COA7: variants seen among roughly 807,000 people sequenced by gnomAD.
The protein encoded by COA7 is Sel1 repeat containing 1.
In COA7, 12 loss-of-function variants were observed where a neutral mutation model predicts 21.0. The ratio of observed to expected loss-of-function variants is 0.57; its 90% CI spans 0.37 to 0.92. COA7 has a LOEUF of 0.92. Ranked by LOEUF, COA7 falls within the 40% of genes least tolerant of loss-of-function variation. The pLI is 0.01. For missense variants in COA7, 240 were observed against 286.1 expected, an observed-to-expected ratio of 0.84 and a Z score of 1.16; for synonymous variants, 95 against 107.4, an observed-to-expected ratio of 0.88 and a Z score of 0.72.
chr1:52,690,437 A>G (rs1323876887), intron 2 of COA7, among the ~76,000 whole-genome samples: 1 of 151,728 alleles, frequency 6.6e-6, no homozygotes, highest in Non-Finnish European at 1.5e-5. Flanking sequence ...ACTAGATAGA[A>G]GTGTTTGGAA....
chr1:52,694,055 TA>T (rs796462750), intron 1 of COA7, among the ~76,000 whole-genome samples: 13 of 152,226 alleles, frequency 8.5e-5, no homozygotes, highest in African/African-American at 3.1e-4. Context: ...AAGTGGGAGC[TA>T]AATACTGTGT....
chr1:52,690,182 C>T (rs1323381310), intron 2 of COA7, among the ~76,000 whole-genome samples: 1 of 151,912 alleles, frequency 6.6e-6, no homozygotes, highest in Non-Finnish European at 1.5e-5. Flanking sequence ...TGGGAAATCA[C>T]TAACAAATAA....
At chr1:52,696,767 G>A (rs2149906242) in intron 1 of COA7, among the ~76,000 whole-genome samples, 1 of 149,780 alleles carries the variant, frequency 6.7e-6, no homozygotes. Context: ...CTCCCAAAGA[G>A]CTAGGATTAC....
chr1:52,692,274 T>G (rs1159111332), intron 2 of COA7, among the ~76,000 whole-genome samples: 1 of 152,208 alleles, frequency 6.6e-6, no homozygotes, highest in African/African-American at 2.4e-5. Context: ...ATAACTATTT[T>G]GTTATTTAGC....
intron 2 of COA7, among the ~76,000 whole-genome samples, chr1:52,689,459 G>T (rs1013591199): frequency 6.6e-6 from 1 of 151,506 alleles, no homozygotes; most frequent in Non-Finnish European, 1.5e-5. Flanking sequence ...TGGCCTATGA[G>T]ATTTTTTTTG....
At position 52,687,068 on chromosome 1, in the gene COA7, C is replaced by G. The variant is rs930222365; in HGVS notation, c.*652G>C. 6.6e-6 allele frequency: 1 copy of G among 152,448 alleles called. No homozygotes were observed. Among genetic ancestry groups the G allele is most frequent in the East Asian group, 1.9e-4 (1 of 5,194 alleles). 9.4% of individuals were successfully genotyped at this position (152,448 alleles called of 1,614,324 possible). A position where few individuals can be genotyped will look rare whatever the true frequency, so the allele number is the denominator to read the frequency against. On this transcript the variant is annotated 3_prime_UTR_variant, in exon 3 of 3. Transcript: ENST00000371538. ...CTGATGTTTCATCTTCTTCAGCAAC[C>G]CTGAAGCATAACAGCCTTTAAGCTG...
intron 2 of COA7, among the ~76,000 whole-genome samples, chr1:52,689,160 ATT>A (rs1195625684): frequency 1.4e-5 from 2 of 145,662 alleles, no homozygotes; most frequent in Non-Finnish European, 1.5e-5. Flanking sequence ...TATTATTATT[ATT>A]TTTTTTTTTT....
Position 52,687,641 on chromosome 1 carries a change from T to C in COA7, c.*79A>G, listed in dbSNP as rs1571716428. Reference sequence around the variant, plus strand: ...TTTTTTTGCTCCAGCAGGTTGACCTTCAAGGGCTGCATCAGTCTTCAGAAA... The same window carrying C: ...TTTTTTTGCTCCAGCAGGTTGACCTCCAAGGGCTGCATCAGTCTTCAGAAA... On this transcript the variant is annotated 3_prime_UTR_variant, in exon 3 of 3. Coordinates refer to ENST00000371538, the MANE Select transcript of COA7 (RefSeq NM_023077.3). The C allele has an allele frequency of 6.9e-7, 1 of 1,441,984 alleles. No individual in the cohort carries two copies. The highest frequency in any genetic ancestry group is 2.3e-5 in the East Asian group (1 of 43,622). The allele number at this position is 1,441,984 out of a possible 1,614,324, so 89.3% of individuals were successfully genotyped here.
rs1215439119 is a variant in COA7, at chr1:52,684,953, T to C, written c.*2767A>G. On this transcript the variant is annotated 3_prime_UTR_variant, in exon 3 of 3. Transcript: ENST00000371538. Reference sequence around the variant, plus strand: ...TGACTTCTTATAGCTTGATAACTCATAATTTGTCATAGCTTGATTTAAGCA... The same window carrying C: ...TGACTTCTTATAGCTTGATAACTCACAATTTGTCATAGCTTGATTTAAGCA... 2 of 152,216 alleles carry C rather than the reference T, an allele frequency of 1.3e-5. No individual in the cohort carries two copies. Among genetic ancestry groups the C allele is most frequent in the East Asian group, 3.8e-4 (2 of 5,202 alleles). The allele number at this position is 152,216 out of a possible 1,614,324, so 9.4% of individuals were successfully genotyped here. A position where few individuals can be genotyped will look rare whatever the true frequency, so the allele number is the denominator to read the frequency against.
Position 52,687,705 on chromosome 1 carries a change from G to T in COA7, c.*15C>A. The T allele has an allele frequency of 6.2e-7, 1 of 1,606,376 alleles. No homozygotes were observed. Among genetic ancestry groups the T allele is most frequent in the South Asian group, 1.1e-5 (1 of 90,778 alleles). On this transcript the variant is annotated 3_prime_UTR_variant, in exon 3 of 3. Transcript: ENST00000371538. ...CCTCAAGCAGTTTGTTGCCTGGGAG[G>T]GAGGGTGGACCACATTACCCAAATG...
intron 1 of COA7, among the ~76,000 whole-genome samples, chr1:52,695,991 C>T (rs1296271796): frequency 1.3e-5 from 2 of 152,194 alleles, no homozygotes; most frequent in African/African-American, 4.8e-5. Context: ...CGTACTAAAT[C>T]CTGACTTCAA....
rs150848405 is a variant in COA7, at chr1:52,694,460, C to CG, written c.107-1594dup. On this transcript the variant is annotated intron_variant, in intron 1 of 2. Coordinates refer to ENST00000371538, the MANE Select transcript of COA7 (RefSeq NM_023077.3). ...GGGCAACAAGAGCAAAACTCCATCTCGAAAAAAAAAAAAAAAAAAAAGCCC... is the reference window on the plus strand; with the variant it reads ...GGGCAACAAGAGCAAAACTCCATCTCGGAAAAAAAAAAAAAAAAAAAAGCCC... Among the ~76,000 whole-genome samples the CG allele has an allele frequency of 1.4e-3, 111 of 81,394 alleles. 4 individuals carry two copies. The highest frequency in any genetic ancestry group is 2.7e-3 in the African/African-American group (34 of 12,738). The allele number at this position is 81,394 out of a possible 152,430, so 53.4% of individuals were successfully genotyped here. A position where few individuals can be genotyped will look rare whatever the true frequency, so the allele number is the denominator to read the frequency against.
chr1:52,690,298 T>A (rs1213413316), intron 2 of COA7, among the ~76,000 whole-genome samples: 1 of 152,012 alleles, frequency 6.6e-6, no homozygotes, highest in East Asian at 1.9e-4. Context: ...ATATAAACAT[T>A]TTAACATTAT....
chr1:52,687,327 G>T lies in COA7; in HGVS notation c.*393C>A. 1 of 190,448 alleles carries T rather than the reference G, an allele frequency of 5.3e-6. No individual in the cohort carries two copies. Among genetic ancestry groups the T allele is most frequent in the Non-Finnish European group, 1.1e-5 (1 of 90,980 alleles). 11.8% of individuals were successfully genotyped at this position (190,448 alleles called of 1,614,324 possible). A position where few individuals can be genotyped will look rare whatever the true frequency, so the allele number is the denominator to read the frequency against. On this transcript the variant is annotated 3_prime_UTR_variant, in exon 3 of 3. Transcript: ENST00000371538. ...ATGACAGCTGATTCCTTTAGGCCCC[G>T]GGGCTGCTAATTTTTCAAACTTCCT...
chr1:52,692,952 G>A, intron 1 of COA7, 85 bp from the exon 2 acceptor site: 1 of 1,451,220 alleles, frequency 6.9e-7, no homozygotes. Context: ...GCCCAGGTGT[G>A]GCAGGCCAGG....
chr1:52,687,775 G>A lies in COA7; in HGVS notation c.641C>T (p.Ala214Val). ...CTGCTGTTCTTTGTGTAGCTGCTGG[G>A]CTCGATTTTTTAGCACCTCGGCCTT... The part of the protein sequence containing the change: ...EAKAEVLKNR[A>V]QQLHKEQQKG... Residue 214 changes from alanine (A) to valine (V), a missense_variant, in exon 3 of 3, where the codon GCC (alanine) becomes GTC (valine). Ala to Val is a moderately conservative substitution (Grantham distance 64). This residue lies in a region of COA7 where 163 missense variants were observed against 214.1 expected (regional missense o/e 0.76). Transcript: ENST00000371538. 6.2e-7 allele frequency: 1 copy of A among 1,614,230 alleles called. No individual in the cohort carries two copies. The highest frequency in any genetic ancestry group is 8.5e-7 in the Non-Finnish European group (1 of 1,180,036).
chr1:52,688,768 C>T lies in COA7; in HGVS notation c.248-600G>A, dbSNP rs1288339003. 2.6e-5 allele frequency among the ~76,000 whole-genome samples: 4 copies of T among 152,168 alleles called. No individual in the cohort carries two copies. The East Asian group carries it at 5.8e-4, about 22-fold the overall frequency. On this transcript the variant is annotated intron_variant, in intron 2 of 2. Transcript: ENST00000371538. The stretch of plus-strand genomic sequence containing the variant: ...GCACAGACCTCCTAGCTTTCTCAGC[C>T]GTAGAATCTTTTATTCAGATGATAC...
Position 52,698,306 on chromosome 1 carries a change from G to A in COA7, c.21C>T (p.Phe7=), listed in dbSNP as rs755102047. Reference sequence around the variant, plus strand: ...AGGACTTGACCTGCTCCTCATCCTGGAAGTCCACCATGCCGGCCATGGTTC... The same window carrying A: ...AGGACTTGACCTGCTCCTCATCCTGAAAGTCCACCATGCCGGCCATGGTTC... MAGMVD[F]QDEEQVKSFL... Residue 7 remains phenylalanine (F), a synonymous_variant, in exon 1 of 3, where the codon TTC becomes TTT. Coordinates refer to ENST00000371538, the MANE Select transcript of COA7 (RefSeq NM_023077.3). 3.1e-6 allele frequency: 5 copies of A among 1,611,702 alleles called. No individual in the cohort carries two copies. In the African/African-American group the frequency reaches 6.7e-5, roughly 22 times the overall value.
chr1:52,688,303 G>T, intron 2 of COA7, 135 bp from the exon 3 acceptor site: 1 of 683,996 alleles, frequency 1.5e-6, no homozygotes, highest in Non-Finnish European at 2.4e-6. Flanking sequence ...GAGTGCACTG[G>T]CATGATCACG....
Sources: allele counts gnomAD v4.1 joint callset (sites outside exome capture counted in the v4.1 genomes callset), GRCh38; gene constraint gnomAD v4.1.1; regional missense constraint gnomAD v4.1.1; transcripts MANE v1.5; gene names NCBI Gene and HGNC (gene_info 2026-07-23, HGNC 2026-07-21).